Variants in PALMD observed in about 807,000 individuals in gnomAD.
PALMD encodes the protein palmdelphin.
Under a neutral mutation model 56.2 loss-of-function variants are expected in PALMD, and 42 were observed. The observed-to-expected ratio is 0.75, with a 90% confidence interval of 0.58 to 0.97. The LOEUF is 0.97. PALMD is among the 50% of genes least tolerant of loss of function. PALMD has a pLI of 0.00. For missense variants in PALMD, 660 were observed against 643.8 expected, an observed-to-expected ratio of 1.03 and a Z score of -0.27; for synonymous variants, 242 against 222.9, an observed-to-expected ratio of 1.09 and a Z score of -0.76.
chr1:99,673,677 A>G (rs1303531024), intron 3 of PALMD, among the ~76,000 whole-genome samples: 7 of 152,164 alleles, frequency 4.6e-5, no homozygotes, highest in African/African-American at 1.7e-4. Context: ...AATTTCCCAG[A>G]TAGTCTGATT....
intron 7 of PALMD, among the ~76,000 whole-genome samples, chr1:99,692,514 T>C (rs1014472041): frequency 6.6e-6 from 1 of 152,094 alleles, no homozygotes; most frequent in Middle Eastern, 3.2e-3. Context: ...TCTGGCCCCA[T>C]GCATTTACTG....
At chr1:99,673,122 AT>A (rs1653122179) in intron 3 of PALMD, among the ~76,000 whole-genome samples, 1 of 152,212 alleles carries the variant, frequency 6.6e-6, no homozygotes, top group Non-Finnish European at 1.5e-5. Context: ...ATTCTGCTCA[AT>A]ATCATGTAAA....
At chr1:99,664,869 A>G (rs1296927243) in intron 2 of PALMD, among the ~76,000 whole-genome samples, 2 of 152,182 alleles carry the variant, frequency 1.3e-5, no homozygotes, top group Non-Finnish European at 2.9e-5. Flanking sequence ...ACATTTACAA[A>G]GTGTTCCTCC....
chr1:99,652,704 A>AGAAAAG (rs909474328), intron 1 of PALMD, among the ~76,000 whole-genome samples: 1 of 91,404 alleles, frequency 1.1e-5, no homozygotes, highest in Non-Finnish European at 2.4e-5. Context: ...GGAAAAGAAA[A>AGAAAAG]GAAAAGAAAA....
At chr1:99,656,609 T>C (rs774828252) in intron 1 of PALMD, among the ~76,000 whole-genome samples, 1 of 152,204 alleles carries the variant, frequency 6.6e-6, no homozygotes, top group Non-Finnish European at 1.5e-5. Flanking sequence ...TCAATTGGTT[T>C]AGAAAAAACA....
Position 99,689,607 on chromosome 1 carries a change from T to A in PALMD, c.1347T>A (p.Asp449Glu). ...IIHAELVVID[D>E]EEEEDEGEAE... is the part of the protein sequence containing the mutation. ...ATGCTGAGCTGGTTGTGATTGATGA[T>A]GAGGAGGAGGAGGATGAAGGAGAAG... is the stretch of plus-strand genomic sequence containing the variant. The change falls in exon 7 of 8, where the codon GAT becomes GAA. Residue 449 changes from aspartate to glutamate, a missense_variant. Asp to Glu is a conservative substitution (Grantham distance 45). Transcript: ENST00000263174. The A allele has an allele frequency of 6.2e-7, 1 of 1,613,602 alleles. No individual in the cohort carries two copies. Among genetic ancestry groups the A allele is most frequent in the Non-Finnish European group, 8.5e-7 (1 of 1,179,710 alleles).
intron 3 of PALMD, among the ~76,000 whole-genome samples, chr1:99,681,834 A>G (rs6577119): frequency 0.12 from 18,748 of 152,154 alleles, 1,640 homozygotes; most frequent in African/African-American, 0.23. Flanking sequence ...TCCCCAGGGA[A>G]CAAAATCGCC....
At chr1:99,686,429 G>T (rs1653497152) in intron 3 of PALMD, 1 of 264,876 alleles carries the variant, frequency 3.8e-6, no homozygotes, top group Non-Finnish European at 7.0e-6. Flanking sequence ...AAGGTCAAAT[G>T]CTTTACCTAA....
intron 3 of PALMD, among the ~76,000 whole-genome samples, chr1:99,682,835 A>T (rs1391484751): frequency 6.6e-6 from 1 of 151,612 alleles, no homozygotes; most frequent in African/African-American, 2.4e-5. Context: ...GTGAAAGCCC[A>T]TCTCTACTAA....
intron 3 of PALMD, among the ~76,000 whole-genome samples, chr1:99,682,945 A>G (rs112487137): frequency 0.059 from 8,747 of 149,166 alleles, 481 homozygotes; most frequent in African/African-American, 0.15. Flanking sequence ...GGCAGAGGTT[A>G]CAGTGAGCCG....
At chr1:99,690,556 A>G (rs2100877944) in intron 7 of PALMD, among the ~76,000 whole-genome samples, 1 of 152,238 alleles carries the variant, frequency 6.6e-6, no homozygotes, top group South Asian at 2.1e-4. Context: ...CAGCTATTTT[A>G]GCATTGAGTG....
intron 1 of PALMD, among the ~76,000 whole-genome samples, chr1:99,654,542 T>C (rs1216217563): frequency 6.6e-6 from 1 of 152,136 alleles, no homozygotes; most frequent in African/African-American, 2.4e-5. Flanking sequence ...AGCTATCATA[T>C]ACTTCCAAAT....
intron 1 of PALMD, among the ~76,000 whole-genome samples, chr1:99,653,275 T>A (rs1323518454): frequency 6.6e-6 from 1 of 152,196 alleles, no homozygotes; most frequent in Admixed American, 6.5e-5. Context: ...CTGACAGATT[T>A]TTTTTCACTG....
chr1:99,662,931 TA>T (rs201637568), intron 2 of PALMD, among the ~76,000 whole-genome samples: 1,766 of 152,332 alleles, frequency 0.012, 18 homozygotes, highest in Non-Finnish European at 0.018. Context: ...TTTCCATGTT[TA>T]AAATCAGATT....
chr1:99,646,667 AGTTTTTCCTTAAAT>A (rs1157796143), intron 1 of PALMD, among the ~76,000 whole-genome samples: 1 of 152,254 alleles, frequency 6.6e-6, no homozygotes, highest in African/African-American at 2.4e-5. Context: ...TTAGAAATGC[AGTTTTTCCTTAAAT>A]GTCCATTTGA....
chr1:99,683,096 A>G lies in PALMD; in HGVS notation c.252-3580A>G, dbSNP rs866568198. On this transcript the variant is annotated intron_variant, in intron 3 of 7. Coordinates refer to ENST00000263174, the MANE Select transcript of PALMD (RefSeq NM_017734.5). ...AGAGAGAGAGAGAGAGAGAGAAAGA[A>G]AGAAAGAAAGAAAGAAAGAAAGAAA... 3.2e-3 allele frequency among the ~76,000 whole-genome samples: 198 copies of G among 62,490 alleles called. 4 individuals are homozygous for G. Among genetic ancestry groups the G allele is most frequent in the East Asian group, 0.012 (27 of 2,262 alleles). 41.0% of individuals were successfully genotyped at this position (62,490 alleles called of 152,430 possible). A position where few individuals can be genotyped will look rare whatever the true frequency, so the allele number is the denominator to read the frequency against.
At chr1:99,675,988 T>C (rs1653203491) in intron 3 of PALMD, among the ~76,000 whole-genome samples, 1 of 152,212 alleles carries the variant, frequency 6.6e-6, no homozygotes, top group African/African-American at 2.4e-5. Context: ...GTCAGCTTTC[T>C]AAACATCTGC....
chr1:99,670,415 A>T (rs1191575635), intron 3 of PALMD, among the ~76,000 whole-genome samples: 1 of 152,178 alleles, frequency 6.6e-6, no homozygotes, highest in Non-Finnish European at 1.5e-5. Context: ...AAGTGCCAAC[A>T]CCTCCATTTC....
In PALMD at chr1:99,689,236, G is replaced by C. The variant is rs769740166; in HGVS notation, c.976G>C (p.Val326Leu). 6.2e-7 allele frequency: 1 copy of C among 1,613,662 alleles called. No homozygotes were observed. The highest frequency in any genetic ancestry group is 8.5e-7 in the Non-Finnish European group (1 of 1,179,838). The change falls in exon 7 of 8, where the codon GTG becomes CTG. Residue 326 changes from valine to leucine, a missense_variant. By Grantham distance (32) the Val-to-Leu change is conservative. Coordinates refer to ENST00000263174, the MANE Select transcript of PALMD (RefSeq NM_017734.5). Reference protein sequence around the residue: ...NFNHISPIPPVPHPRSVIQQA... With the variant: ...NFNHISPIPPLPHPRSVIQQA... The stretch of plus-strand genomic sequence containing the variant: ...CAATCACATCAGTCCCATTCCGCCA[G>C]TGCCTCATCCCCGATCAGTGATTCA...
Sources: allele counts gnomAD v4.1 joint callset (sites outside exome capture counted in the v4.1 genomes callset), GRCh38; gene constraint gnomAD v4.1.1; transcripts MANE v1.5; gene names NCBI Gene and HGNC (gene_info 2026-07-23, HGNC 2026-07-21).